The following CNTN3 variants were observed in gnomAD, a reference collection of about 807,000 sequenced individuals.
CNTN3 encodes the protein contactin-3.
CNTN3 carries 60 observed loss-of-function variants against 119.1 expected under a neutral mutation model. The observed-to-expected ratio is 0.50, with a 90% CI of 0.41 to 0.62. CNTN3 has a LOEUF of 0.62. Ranked by LOEUF, CNTN3 falls within the 20% of genes least tolerant of loss-of-function variation. The pLI is 0.00. For synonymous variants in CNTN3, 450 were observed against 438.7 expected, an observed-to-expected ratio of 1.03 and a Z score of -0.32; for missense variants, 1,101 against 1,242.4, an observed-to-expected ratio of 0.89 and a Z score of 1.71.
At chr3:74,409,960 C>A (rs1342981408) in intron 5 of CNTN3, among the ~76,000 whole-genome samples, 1 of 152,174 alleles carries the variant, frequency 6.6e-6, no homozygotes, top group African/African-American at 2.4e-5. Context: ...CTACTTCCAA[C>A]ATACTTCACC....
intron 5 of CNTN3, among the ~76,000 whole-genome samples, chr3:74,407,031 C>T (rs549026737): frequency 3.6e-4 from 54 of 152,050 alleles, no homozygotes; most frequent in Middle Eastern, 3.4e-3. Flanking sequence ...ATCTCAAAAC[C>T]GAGGATGTAT....
intron 1 of CNTN3, among the ~76,000 whole-genome samples, chr3:74,600,511 T>C (rs1269683711): frequency 1.3e-5 from 2 of 152,120 alleles, no homozygotes; most frequent in Non-Finnish European, 2.9e-5. Flanking sequence ...TATGAATCTT[T>C]TTAGTCTCAC....
intron 2 of CNTN3, among the ~76,000 whole-genome samples, chr3:74,502,188 A>C (rs1241358732): frequency 6.6e-6 from 1 of 152,284 alleles, no homozygotes; most frequent in South Asian, 2.1e-4. Flanking sequence ...ATAATGCATT[A>C]ACATAATGGT....
intron 6 of CNTN3, 51 bp from the exon 7 acceptor site, chr3:74,370,042 G>T: frequency 2.9e-6 from 3 of 1,019,074 alleles, no homozygotes; most frequent in African/African-American, 1.7e-5. Context: ...CTTTAGAATT[G>T]CCTCGTTTTT....
At chr3:74,594,280 T>C (rs918083993) in intron 1 of CNTN3, among the ~76,000 whole-genome samples, 7 of 149,286 alleles carry the variant, frequency 4.7e-5, no homozygotes, top group Admixed American at 4.0e-4. Flanking sequence ...TTTCTTTTTT[T>C]TTTTTTTTTT....
At chr3:74,497,719 C>A (rs1703089729) in intron 3 of CNTN3, among the ~76,000 whole-genome samples, 1 of 151,734 alleles carries the variant, frequency 6.6e-6, no homozygotes, top group African/African-American at 2.4e-5. Flanking sequence ...ATAAATCAGC[C>A]CAAATCACAC....
At chr3:74,409,785 T>C (rs903484562) in intron 5 of CNTN3, among the ~76,000 whole-genome samples, 4 of 152,188 alleles carry the variant, frequency 2.6e-5, no homozygotes, top group African/African-American at 7.2e-5. Context: ...TCTTGCAACT[T>C]AGAGTTATTG....
intron 4 of CNTN3, among the ~76,000 whole-genome samples, chr3:74,444,572 T>C (rs1284549690): frequency 1.3e-5 from 2 of 152,122 alleles, no homozygotes; most frequent in Non-Finnish European, 2.9e-5. Context: ...TTTTTTAATG[T>C]CCAACAATGC....
At chr3:74,317,313 A>C (rs1005743328) in intron 13 of CNTN3, among the ~76,000 whole-genome samples, 3 of 151,354 alleles carry the variant, frequency 2.0e-5, no homozygotes, top group Non-Finnish European at 2.9e-5. Flanking sequence ...TGTGTCTTTT[A>C]ATTGGAGCAT....
chr3:74,324,054 G>T (rs867178299), intron 13 of CNTN3, among the ~76,000 whole-genome samples: 83 of 151,934 alleles, frequency 5.5e-4, no homozygotes, highest in Admixed American at 3.3e-3. Flanking sequence ...TTGTATGCTG[G>T]TATATACACA....
intron 4 of CNTN3, among the ~76,000 whole-genome samples, chr3:74,440,171 C>G (rs991749937): frequency 2.6e-5 from 4 of 152,012 alleles, no homozygotes; most frequent in African/African-American, 9.7e-5. Flanking sequence ...CTGTTTAGTA[C>G]CCATCTCCCC....
At chr3:74,354,265 C>A (rs1312521612) in intron 11 of CNTN3, among the ~76,000 whole-genome samples, 1 of 152,012 alleles carries the variant, frequency 6.6e-6, no homozygotes, top group Non-Finnish European at 1.5e-5. Context: ...ATGAGCCATT[C>A]TTTTACTTTC....
intron 20 of CNTN3, among the ~76,000 whole-genome samples, chr3:74,274,402 C>G (rs1701840669): frequency 6.6e-6 from 1 of 152,170 alleles, no homozygotes; most frequent in African/African-American, 2.4e-5. Flanking sequence ...GAGTCCATTT[C>G]ACAGCCCCGC....
intron 1 of CNTN3, among the ~76,000 whole-genome samples, chr3:74,611,357 G>A (rs1443263895): frequency 1.4e-5 from 2 of 142,136 alleles, no homozygotes; most frequent in South Asian, 4.5e-4. Context: ...TTTATAACAT[G>A]TACATAAAAG....
intron 18 of CNTN3, among the ~76,000 whole-genome samples, chr3:74,295,460 A>G (rs1423883266): frequency 1.3e-5 from 2 of 152,112 alleles, no homozygotes; most frequent in African/African-American, 4.8e-5. Context: ...GTGGCAACCT[A>G]TACTTTCCTC....
At chr3:74,523,629 G>A (rs1703574655) in intron 1 of CNTN3, among the ~76,000 whole-genome samples, 1 of 151,776 alleles carries the variant, frequency 6.6e-6, no homozygotes, top group South Asian at 2.1e-4. Context: ...AAAAAGAATA[G>A]GTAGTTGGGA....
chr3:74,567,226 G>A (rs1429609670), intron 1 of CNTN3, among the ~76,000 whole-genome samples: 2 of 151,760 alleles, frequency 1.3e-5, no homozygotes, highest in Non-Finnish European at 2.9e-5. Context: ...CTGCAGCCTT[G>A]ACTTCCCAGG....
intron 13 of CNTN3, among the ~76,000 whole-genome samples, chr3:74,326,450 G>A (rs775613727): frequency 8.6e-4 from 131 of 152,180 alleles, no homozygotes; most frequent in Non-Finnish European, 1.6e-3. Flanking sequence ...TCACCTCAAA[G>A]CATTTATTTG....
At chr3:74,425,208 T>C (rs1308651637) in intron 4 of CNTN3, among the ~76,000 whole-genome samples, 1 of 152,034 alleles carries the variant, frequency 6.6e-6, no homozygotes, top group African/African-American at 2.4e-5. Flanking sequence ...ACCCAACAGG[T>C]AGGTAGTTTT....
Sources: allele counts gnomAD v4.1 joint callset (sites outside exome capture counted in the v4.1 genomes callset), GRCh38; gene constraint gnomAD v4.1.1; transcripts MANE v1.5; gene names NCBI Gene and HGNC (gene_info 2026-07-23, HGNC 2026-07-21).